Variants in ACOT2 observed in about 807,000 individuals in gnomAD.
ACOT2 encodes the protein acyl-CoA thioesterase 2.
A neutral mutation model predicts 20.1 loss-of-function variants in ACOT2; 15 were observed. The observed-to-expected ratio is 0.75, with a 90% confidence interval of 0.50 to 1.15. ACOT2 has a LOEUF of 1.15. Among genes scored for constraint, ACOT2 ranks in the 50% most tolerant of loss-of-function variants. ACOT2 has a pLI of 0.00. For synonymous variants in ACOT2, 252 were observed against 268.4 expected (o/e 0.94, Z 0.60); for missense variants, 479 against 615.3 (o/e 0.78, Z 2.34).
intron 1 of ACOT2, among the ~76,000 whole-genome samples, chr14:73,572,197 T>C (rs1365098601): frequency 1.3e-5 from 1 of 79,394 alleles, no homozygotes; most frequent in African/African-American, 6.3e-5. Flanking sequence ...TCTGGATTAA[T>C]TTAAAAAAAG....
At chr14:73,572,651 T>C (rs373147505) in intron 1 of ACOT2, among the ~76,000 whole-genome samples, 39,063 of 122,370 alleles carry the variant, frequency 0.32, 7,734 homozygotes, top group African/African-American at 0.54. Context: ...TTTTTTTTTT[T>C]TTTTTTTTTT....
chr14:73,573,650 G>A, intron 2 of ACOT2, 60 bp downstream of exon 2: 1 of 1,598,110 alleles, frequency 6.3e-7, no homozygotes, highest in East Asian at 2.2e-5. Context: ...TAAATGGTCT[G>A]GGTTTTCACA....
intron 1 of ACOT2, among the ~76,000 whole-genome samples, chr14:73,570,442 G>A (rs1889703423): frequency 6.6e-6 from 1 of 152,044 alleles, no homozygotes; most frequent in South Asian, 2.1e-4. Flanking sequence ...AGTAGCGGGC[G>A]CCTGTAGTCC....
Position 73,574,911 on chromosome 14 carries a change from A to C in ACOT2, c.850A>C (p.Lys284Gln). The change falls in exon 3 of 3, where the codon AAA (lysine) becomes CAA (glutamine). Residue 284 changes from lysine to glutamine, a missense_variant. By Grantham distance (53) the Lys-to-Gln change is moderately conservative. Around this residue, in one of 4 missense-constraint regions of ACOT2, gnomAD observed 400 missense variants for 395.5 expected, o/e 1.01. Coordinates refer to ENST00000238651, the MANE Select transcript of ACOT2 (RefSeq NM_006821.6). ...MNYLLSHPEV[K>Q]GPGVGLLGIS... ...TTTTCCTTTGTCCCTTTCTCAGGTAAAAGGTCCAGGAGTTGGGCTGCTTGG... is the reference window on the plus strand; with the variant it reads ...TTTTCCTTTGTCCCTTTCTCAGGTACAAGGTCCAGGAGTTGGGCTGCTTGG... 6.2e-7 allele frequency: 1 copy of C among 1,612,760 alleles called. No homozygotes were observed. The highest frequency in any genetic ancestry group is 8.5e-7 in the Non-Finnish European group (1 of 1,179,254).
At position 73,573,416 on chromosome 14, in the gene ACOT2, C is replaced by T. The variant is rs1566860003; in HGVS notation, c.672C>T (p.Asp224=). 2 of 1,613,666 alleles carry T rather than the reference C, an allele frequency of 1.2e-6. No individual in the cohort carries two copies. The highest frequency in any genetic ancestry group is 1.7e-6 in the Non-Finnish European group (2 of 1,179,708). ...CTGGGCCCTTTCCTGGGATTGTGGACATGTTCGGAACTGGAGGTGGCCTGC... is the reference window on the plus strand; with the variant it reads ...CTGGGCCCTTTCCTGGGATTGTGGATATGTTCGGAACTGGAGGTGGCCTGC... ...PEPGPFPGIV[D]MFGTGGGLLE... is the part of the protein sequence containing the mutation. Residue 224 remains aspartate (D), a synonymous_variant, in exon 2 of 3, where the codon GAC becomes GAT. Coordinates refer to ENST00000238651, the MANE Select transcript of ACOT2 (RefSeq NM_006821.6).
At chr14:73,568,191 A>C (rs187386274), upstream of ACOT2, 1 of 152,210 alleles carries the variant, frequency 6.6e-6, no homozygotes, top group East Asian at 1.9e-4. Flanking sequence ...ATTTGGAACG[A>C]GATAAAAAGG....
rs780011788 is a variant in ACOT2, at chr14:73,569,835, G to C, written c.595G>C (p.Glu199Gln). ...RYFLPPGVRR[E>Q]PVRVGRVRGT... is the part of the protein sequence containing the mutation. ...CTTCCTCCCGCCCGGGGTGCGGCGC[G>C]AGCCGGTGCGCGTGGGCCGGGTGCG... Residue 199 changes from glutamate (E) to glutamine (Q), a missense_variant, in exon 1 of 3, where the codon GAG (glutamate) becomes CAG (glutamine). Coordinates refer to ENST00000238651, the MANE Select transcript of ACOT2 (RefSeq NM_006821.6). The C allele has an allele frequency of 6.9e-6, 11 of 1,603,526 alleles. No individual in the cohort carries two copies. The highest frequency in any genetic ancestry group is 1.7e-4 in the Middle Eastern group (1 of 5,756).
At position 73,569,589 on chromosome 14, in the gene ACOT2, G is replaced by C. The variant is rs766676014; in HGVS notation, c.349G>C (p.Asp117His). The part of the protein sequence containing the change: ...LFQAHARYRA[D>H]TLGELDLERA... ...CCAGGCCCACGCGCGCTACCGCGCC[G>C]ACACTCTTGGCGAGCTGGACCTGGA... Residue 117 changes from aspartate to histidine, a missense_variant, in exon 1 of 3, where the codon GAC becomes CAC. Asp to His is a moderately conservative substitution (Grantham distance 81, BLOSUM62 -1). This residue lies in a region of ACOT2 where 400 missense variants were observed against 395.5 expected (regional missense o/e 1.01). Coordinates refer to ENST00000238651, the MANE Select transcript of ACOT2 (RefSeq NM_006821.6). The C allele has an allele frequency of 1.2e-6, 2 of 1,601,296 alleles. No individual in the cohort carries two copies. Among genetic ancestry groups the C allele is most frequent in the East Asian group, 4.5e-5 (2 of 44,592 alleles).
intron 1 of ACOT2, among the ~76,000 whole-genome samples, chr14:73,572,304 G>T (rs556498212): frequency 1.3e-5 from 2 of 151,058 alleles, no homozygotes; most frequent in African/African-American, 4.9e-5. Flanking sequence ...TTGAACTACA[G>T]CTACAAGAAT....
chr14:73,569,267 C>T lies in ACOT2; in HGVS notation c.27C>T (p.His9=), dbSNP rs766301205. 17 of 1,613,798 alleles carry T rather than the reference C, an allele frequency of 1.1e-5. No homozygotes were observed. The highest frequency in any genetic ancestry group is 3.3e-5 in the Admixed American group (2 of 59,998). ...TGTCTAACAAGCTTCTTTCTCCCCA[C>T]CCCCATTCAGTTGTTCTCAGGTCTG... is the stretch of plus-strand genomic sequence containing the variant. MSNKLLSP[H]PHSVVLRSEF... is the part of the protein sequence containing the mutation. The change falls in exon 1 of 3, where the codon CAC becomes CAT. Residue 9 remains histidine (H), a synonymous_variant. Transcript: ENST00000238651.
At chr14:73,571,939 T>A (rs1889760358) in intron 1 of ACOT2, among the ~76,000 whole-genome samples, 1 of 151,676 alleles carries the variant, frequency 6.6e-6, no homozygotes, top group Admixed American at 6.6e-5. Context: ...TTATCCTTAT[T>A]AATAATCAAA....
At chr14:73,569,919 G>T in intron 1 of ACOT2, 36 bp downstream of exon 1, 1 of 1,581,088 alleles carries the variant, frequency 6.3e-7, no homozygotes, top group Non-Finnish European at 8.6e-7. Flanking sequence ...GTGTTCGTTC[G>T]CCTTTCACTT....
At chr14:73,568,621 CAAAAT>C (rs1794613009), upstream of ACOT2, among the ~76,000 whole-genome samples, 1 of 151,622 alleles carries the variant, frequency 6.6e-6, no homozygotes, top group African/African-American at 2.4e-5. Context: ...ACCAGTAAAA[CAAAAT>C]AATAACTATT....
intron 2 of ACOT2, chr14:73,574,260 A>AT: frequency 7.6e-6 from 1 of 131,448 alleles, no homozygotes; most frequent in African/African-American, 3.0e-5. Context: ...TTTAAATTCC[A>AT]GTATTTTTTT....
upstream of ACOT2, chr14:73,568,244 G>C (rs1406340374): frequency 2.0e-5 from 3 of 151,978 alleles, no homozygotes; most frequent in Non-Finnish European, 4.4e-5. Context: ...GGCAAACACA[G>C]GTTTTGTGGG....
In ACOT2 at chr14:73,569,474, C is replaced by T. The variant is rs375721340; in HGVS notation, c.234C>T (p.Asp78=). 3.7e-6 allele frequency: 6 copies of T among 1,613,038 alleles called. 1 individual carries two copies. The African/African-American group carries it at 8.0e-5, about 21-fold the overall frequency. Residue 78 remains aspartate (D), a synonymous_variant, in exon 1 of 3, where the codon GAC becomes GAT. Transcript: ENST00000238651. ...AGCCTGCGGGCCGCTGCTGCTGGGACGAACCGGTGCGAATCGCCGTGCGCG... is the reference window on the plus strand; with the variant it reads ...AGCCTGCGGGCCGCTGCTGCTGGGATGAACCGGTGCGAATCGCCGTGCGCG... ...ILEPAGRCCW[D]EPVRIAVRGL...
intron 1 of ACOT2, 116 bp downstream of exon 1, chr14:73,569,999 G>A: frequency 1.4e-6 from 2 of 1,410,060 alleles, no homozygotes; most frequent in Non-Finnish European, 1.9e-6. Flanking sequence ...GGGCTATATT[G>A]CCCAGGCAGG....
upstream of ACOT2, among the ~76,000 whole-genome samples, chr14:73,568,536 G>C (rs1465870848): frequency 6.6e-6 from 1 of 151,712 alleles, no homozygotes; most frequent in Non-Finnish European, 1.5e-5. Context: ...CTGTACTCCA[G>C]TCTGGCAATG....
In ACOT2 at chr14:73,573,516, C is replaced by G; in HGVS notation, c.772C>G (p.Leu258Val). 6.2e-7 allele frequency: 1 copy of G among 1,613,572 alleles called. No homozygotes were observed. ...MALAYYNYED[L>V]PKTMETLHLE... Reference sequence around the variant, plus strand: ...TCTGGCTTATTATAACTATGAAGACCTCCCCAAGACCATGGAGACGCTCCA... The same window carrying G: ...TCTGGCTTATTATAACTATGAAGACGTCCCCAAGACCATGGAGACGCTCCA... Residue 258 changes from leucine to valine, a missense_variant, in exon 2 of 3, where the codon CTC (leucine) becomes GTC (valine). Leu to Val is a conservative substitution (Grantham distance 32). This residue lies in a region of ACOT2 where 400 missense variants were observed against 395.5 expected (regional missense o/e 1.01). Transcript: ENST00000238651.
Sources: allele counts gnomAD v4.1 joint callset (sites outside exome capture counted in the v4.1 genomes callset), GRCh38; gene constraint gnomAD v4.1.1; regional missense constraint gnomAD v4.1.1; transcripts MANE v1.5; gene names NCBI Gene and HGNC (gene_info 2026-07-23, HGNC 2026-07-21).